RHOBTB3: variants seen among roughly 807,000 people sequenced by gnomAD.
RHOBTB3 encodes the protein rho-related BTB domain-containing protein 3.
A neutral mutation model predicts 67.2 loss-of-function variants in RHOBTB3; 47 were observed. The ratio of observed to expected loss-of-function variants is 0.70; its 90% CI spans 0.55 to 0.89. RHOBTB3 has a LOEUF of 0.89. Ranked by LOEUF, RHOBTB3 falls within the 40% of genes least tolerant of loss-of-function variation. RHOBTB3 has a pLI of 0.00. For synonymous variants in RHOBTB3, 273 were observed against 274.2 expected, an observed-to-expected ratio of 1.00 and a Z score of 0.04; for missense variants, 631 against 750.0, an observed-to-expected ratio of 0.84 and a Z score of 1.85.
At chr5:95,752,141 C>A in intron 4 of RHOBTB3, 98 bp from the exon 5 acceptor site, 1 of 716,208 alleles carries the variant, frequency 1.4e-6, no homozygotes, top group East Asian at 2.5e-5. Context: ...ATGGTACTGA[C>A]GTTTAAAATG....
intron 8 of RHOBTB3, among the ~76,000 whole-genome samples, chr5:95,774,748 G>T (rs1385688198): frequency 1.3e-5 from 2 of 152,036 alleles, no homozygotes; most frequent in Non-Finnish European, 2.9e-5. Flanking sequence ...CATTAAGTAT[G>T]CTTATATCTT....
chr5:95,785,795 G>A (rs1275137840), intron 10 of RHOBTB3, among the ~76,000 whole-genome samples: 1 of 152,112 alleles, frequency 6.6e-6, no homozygotes, highest in East Asian at 1.9e-4. Context: ...TTGGACACAA[G>A]TTTCTTTTTC....
In RHOBTB3 at chr5:95,783,870, T is replaced by G; in HGVS notation, c.1530T>G (p.Cys510Trp). The G allele has an allele frequency of 6.2e-7, 1 of 1,614,018 alleles. No individual in the cohort carries two copies. The highest frequency in any genetic ancestry group is 8.5e-7 in the Non-Finnish European group (1 of 1,179,902). Residue 510 changes from cysteine to tryptophan, a missense_variant, in exon 10 of 12, where the codon TGT becomes TGG. Transcript: ENST00000379982. ...MYQVSRLQHI[C>W]ELFIITQLQS... is the part of the protein sequence containing the mutation. ...AAGTGTCCAGACTGCAGCACATCTG[T>G]GAGCTGTTCATCATTACCCAGCTGC...
At chr5:95,787,699 T>G (rs1487202846) in intron 10 of RHOBTB3, among the ~76,000 whole-genome samples, 1 of 152,224 alleles carries the variant, frequency 6.6e-6, no homozygotes, top group Non-Finnish European at 1.5e-5. Context: ...TGATATCTGC[T>G]ACAACATGGA....
chr5:95,758,291 G>A (rs551362864), intron 6 of RHOBTB3, among the ~76,000 whole-genome samples: 35 of 152,248 alleles, frequency 2.3e-4, no homozygotes, highest in South Asian at 2.1e-4. Flanking sequence ...CCCTTTCCCC[G>A]GAGTCATTTA....
At chr5:95,775,404 GTGTATATATATATA>G (rs1745840869) in intron 8 of RHOBTB3, among the ~76,000 whole-genome samples, 1 of 145,068 alleles carries the variant, frequency 6.9e-6, no homozygotes, top group South Asian at 2.2e-4. Context: ...ATATATATAT[GTGTATATATATATA>G]TATACACATA....
chr5:95,732,163 C>T (rs760550141), intron 2 of RHOBTB3, 79 bp downstream of exon 2: 266 of 1,314,990 alleles, frequency 2.0e-4, no homozygotes, highest in Non-Finnish European at 2.8e-4. Flanking sequence ...CTTCTGCCCA[C>T]TTCCGTGAGT....
chr5:95,742,578 T>C (rs1034931280), intron 3 of RHOBTB3, among the ~76,000 whole-genome samples: 1 of 152,240 alleles, frequency 6.6e-6, no homozygotes, highest in African/African-American at 2.4e-5. Flanking sequence ...TTCTTTTATA[T>C]TTCTTATTGC....
intron 1 of RHOBTB3, among the ~76,000 whole-genome samples, chr5:95,722,448 G>T (rs1231722734): frequency 2.0e-5 from 3 of 151,922 alleles, no homozygotes; most frequent in African/African-American, 7.3e-5. Context: ...AATAATACTT[G>T]TATTTATTTA....
intron 6 of RHOBTB3, among the ~76,000 whole-genome samples, chr5:95,762,014 G>A (rs1440091170): frequency 6.6e-6 from 1 of 152,196 alleles, no homozygotes; most frequent in Non-Finnish European, 1.5e-5. Context: ...AGAATTTGAG[G>A]AGGAAGGGGA....
intron 3 of RHOBTB3, among the ~76,000 whole-genome samples, chr5:95,746,699 T>C (rs1410844551): frequency 5.3e-5 from 8 of 152,214 alleles, no homozygotes; most frequent in Non-Finnish European, 1.0e-4. Flanking sequence ...CAAGTAGCAG[T>C]GTTATGATTG....
At chr5:95,732,163 C>G (rs760550141) in intron 2 of RHOBTB3, 79 bp downstream of exon 2, 13 of 1,314,992 alleles carry the variant, frequency 9.9e-6, no homozygotes, top group Non-Finnish European at 1.4e-5. Context: ...CTTCTGCCCA[C>G]TTCCGTGAGT....
At chr5:95,771,237 G>A (rs1056330324) in intron 8 of RHOBTB3, among the ~76,000 whole-genome samples, 2 of 152,220 alleles carry the variant, frequency 1.3e-5, no homozygotes, top group African/African-American at 4.8e-5. Context: ...CGAAGGAGCT[G>A]TTTTCCAGTG....
chr5:95,754,772 T>C (rs1052746072), intron 5 of RHOBTB3, among the ~76,000 whole-genome samples: 4 of 152,190 alleles, frequency 2.6e-5, no homozygotes, highest in African/African-American at 9.6e-5. Context: ...AGTGTTTTAC[T>C]AGAAGGAAAA....
intron 3 of RHOBTB3, among the ~76,000 whole-genome samples, chr5:95,745,838 G>A (rs188552736): frequency 4.8e-4 from 73 of 151,972 alleles, no homozygotes; most frequent in African/African-American, 1.7e-3. Flanking sequence ...ATTTAGAATC[G>A]GTTCTACTGC....
intron 8 of RHOBTB3, chr5:95,770,608 G>A: frequency 2.1e-6 from 1 of 467,440 alleles, no homozygotes; most frequent in Non-Finnish European, 4.3e-6. Flanking sequence ...TGCTTGGGTG[G>A]CTTCTCCATT....
At chr5:95,753,925 C>G (rs1195633329) in intron 5 of RHOBTB3, among the ~76,000 whole-genome samples, 2 of 152,130 alleles carry the variant, frequency 1.3e-5, no homozygotes, top group Non-Finnish European at 2.9e-5. Context: ...GTCTGGCCAA[C>G]ATGGTGAAAC....
intron 7 of RHOBTB3, among the ~76,000 whole-genome samples, chr5:95,765,754 C>G (rs899630440): frequency 1.3e-5 from 2 of 152,196 alleles, no homozygotes; most frequent in African/African-American, 2.4e-5. Context: ...CTCCGCCTCC[C>G]GGGTTCATGC....
intron 10 of RHOBTB3, among the ~76,000 whole-genome samples, chr5:95,785,858 T>C (rs1364162738): frequency 6.6e-6 from 1 of 152,214 alleles, no homozygotes; most frequent in Non-Finnish European, 1.5e-5. Context: ...ACTTCCCGTG[T>C]GGTCACATTG....
Sources: allele counts gnomAD v4.1 joint callset (sites outside exome capture counted in the v4.1 genomes callset), GRCh38; gene constraint gnomAD v4.1.1; transcripts MANE v1.5; gene names NCBI Gene and HGNC (gene_info 2026-07-23, HGNC 2026-07-21).